The following PPM1H variants were observed in gnomAD, a reference collection of about 807,000 sequenced individuals.
The protein encoded by PPM1H is protein phosphatase, Mg2+/Mn2+ dependent 1H.
A neutral mutation model predicts 54.9 loss-of-function variants in PPM1H; 27 were observed. That is an observed-to-expected ratio of 0.49 (90% confidence interval 0.36 to 0.68). The LOEUF is 0.68. Ranked by LOEUF, PPM1H falls within the 30% of genes least tolerant of loss-of-function variation. The pLI is 0.00. For synonymous variants in PPM1H, 305 were observed against 270.8 expected, an observed-to-expected ratio of 1.13 and a Z score of -1.24; for missense variants, 596 against 667.8, an observed-to-expected ratio of 0.89 and a Z score of 1.19.
At chr12:62,929,631 A>T (rs1872073210) in intron 1 of PPM1H, among the ~76,000 whole-genome samples, 1 of 152,090 alleles carries the variant, frequency 6.6e-6, no homozygotes, top group Non-Finnish European at 1.5e-5. Flanking sequence ...GCATGGTTAA[A>T]CCCTTTGCCT....
intron 2 of PPM1H, among the ~76,000 whole-genome samples, chr12:62,817,389 C>A (rs2641548): frequency 6.6e-6 from 1 of 150,834 alleles, no homozygotes; most frequent in African/African-American, 2.4e-5. Flanking sequence ...GTGAACCTGG[C>A]AGGCGGAGCT....
At chr12:62,865,684 G>C (rs901614161) in intron 1 of PPM1H, among the ~76,000 whole-genome samples, 1 of 152,038 alleles carries the variant, frequency 6.6e-6, no homozygotes, top group African/African-American at 2.4e-5. Flanking sequence ...TTCTAGTAGA[G>C]ATGGGGTTTT....
chr12:62,661,594 G>A (rs10877905), intron 9 of PPM1H, among the ~76,000 whole-genome samples: 24,145 of 152,110 alleles, frequency 0.16, 2,153 homozygotes, highest in Middle Eastern at 0.26. Flanking sequence ...ACGGGGTTTC[G>A]CCATATTGGC....
intron 1 of PPM1H, among the ~76,000 whole-genome samples, chr12:62,866,431 TAAA>T (rs1869778147): frequency 6.6e-6 from 1 of 152,188 alleles, no homozygotes; most frequent in Admixed American, 6.5e-5. Flanking sequence ...ATCTAGTTTA[TAAA>T]ATATGGTGGC....
At chr12:62,861,029 T>C (rs1380826687) in intron 1 of PPM1H, among the ~76,000 whole-genome samples, 2 of 152,024 alleles carry the variant, frequency 1.3e-5, no homozygotes, top group Non-Finnish European at 2.9e-5. Flanking sequence ...GAAAACTGAG[T>C]CTCAGACCTG....
intron 2 of PPM1H, among the ~76,000 whole-genome samples, chr12:62,829,370 G>A (rs1015011236): frequency 6.6e-5 from 10 of 152,336 alleles, no homozygotes; most frequent in African/African-American, 2.2e-4. Context: ...GAGAGTTAGT[G>A]TTTAATGAAT....
At chr12:62,709,721 C>T (rs2076195874) in intron 6 of PPM1H, among the ~76,000 whole-genome samples, 1 of 152,194 alleles carries the variant, frequency 6.6e-6, no homozygotes, top group African/African-American at 2.4e-5. Flanking sequence ...AGATCTACTT[C>T]CCCCACTGTG....
At chr12:62,920,485 G>GTT (rs35100515) in intron 1 of PPM1H, among the ~76,000 whole-genome samples, 6,820 of 136,496 alleles carry the variant, frequency 0.05, 214 homozygotes, top group Middle Eastern at 0.083. Flanking sequence ...CCTGAATGAG[G>GTT]TTTTTTTTTT....
intron 1 of PPM1H, among the ~76,000 whole-genome samples, chr12:62,898,713 TAA>T (rs1871070668): frequency 6.6e-6 from 1 of 152,166 alleles, no homozygotes; most frequent in Non-Finnish European, 1.5e-5. Flanking sequence ...ATTTATTTGG[TAA>T]TTACCAACCC....
intron 6 of PPM1H, among the ~76,000 whole-genome samples, chr12:62,719,653 TA>T (rs1202884273): frequency 6.6e-6 from 1 of 152,240 alleles, no homozygotes; most frequent in Non-Finnish European, 1.5e-5. Flanking sequence ...AATGTGATAT[TA>T]ATGAGAATAG....
At chr12:62,830,381 G>A (rs1221292655) in intron 2 of PPM1H, among the ~76,000 whole-genome samples, 2 of 152,070 alleles carry the variant, frequency 1.3e-5, no homozygotes, top group East Asian at 1.9e-4. Flanking sequence ...TCAGCCTCCT[G>A]AGTAGCTGGG....
At chr12:62,895,241 T>C (rs777495334) in intron 1 of PPM1H, among the ~76,000 whole-genome samples, 3 of 152,304 alleles carry the variant, frequency 2.0e-5, no homozygotes, top group East Asian at 3.9e-4. Flanking sequence ...TTACTGAACA[T>C]AGAAGAGAGG....
intron 4 of PPM1H, among the ~76,000 whole-genome samples, chr12:62,774,730 C>T (rs1258589398): frequency 1.3e-5 from 2 of 152,150 alleles, no homozygotes; most frequent in Admixed American, 6.5e-5. Context: ...TCTTAGCAAT[C>T]CCCTAAAATA....
intron 4 of PPM1H, chr12:62,755,634 T>G: frequency 1.5e-6 from 1 of 651,592 alleles, no homozygotes; most frequent in East Asian, 2.6e-5. Context: ...GCATGAAGCA[T>G]GAGAAGTAAT....
chr12:62,833,444 C>T (rs1868410874), intron 1 of PPM1H, among the ~76,000 whole-genome samples: 1 of 152,052 alleles, frequency 6.6e-6, no homozygotes, highest in African/African-American at 2.4e-5. Context: ...GACCAATTCC[C>T]CAAACGGTAA....
chr12:62,793,544 T>C (rs2076712217), intron 3 of PPM1H, among the ~76,000 whole-genome samples: 1 of 151,638 alleles, frequency 6.6e-6, no homozygotes, highest in African/African-American at 2.4e-5. Flanking sequence ...GACCAACACG[T>C]AGAAACCCCG....
chr12:62,901,925 G>T (rs891855589), intron 1 of PPM1H, among the ~76,000 whole-genome samples: 2 of 152,144 alleles, frequency 1.3e-5, no homozygotes, highest in Non-Finnish European at 1.5e-5. Flanking sequence ...TCTGACATTA[G>T]CTTCTAAGAT....
chr12:62,865,485 C>T (rs565323145), intron 1 of PPM1H, among the ~76,000 whole-genome samples: 2 of 152,320 alleles, frequency 1.3e-5, no homozygotes, highest in South Asian at 4.1e-4. Context: ...TTCACCCTCA[C>T]TTGAATTCCA....
chr12:62,804,676 CT>C (rs759291510), intron 2 of PPM1H, among the ~76,000 whole-genome samples: 78 of 116,178 alleles, frequency 6.7e-4, no homozygotes, highest in Middle Eastern at 5.3e-3. Flanking sequence ...CTTTTTTTTT[CT>C]TTTTTTTTTT....
Sources: allele counts gnomAD v4.1 joint callset (sites outside exome capture counted in the v4.1 genomes callset), GRCh38; gene constraint gnomAD v4.1.1; transcripts MANE v1.5; gene names NCBI Gene and HGNC (gene_info 2026-07-23, HGNC 2026-07-21).